The following CAB39L variants were observed in gnomAD, a reference collection of about 807,000 sequenced individuals.
CAB39L encodes the protein calcium-binding protein 39-like.
A neutral mutation model predicts 39.1 loss-of-function variants in CAB39L; 23 were observed. The observed-to-expected ratio is 0.59, with a 90% CI of 0.42 to 0.83. CAB39L has a LOEUF of 0.83. CAB39L is among the 40% of genes least tolerant of loss of function. CAB39L has a pLI of 0.00. For synonymous variants in CAB39L, 126 were observed against 137.2 expected, an observed-to-expected ratio of 0.92 and a Z score of 0.57; for missense variants, 366 against 391.9, an observed-to-expected ratio of 0.93 and a Z score of 0.56.
In CAB39L at chr13:49,336,217, G is replaced by C. The variant is rs1052125583; in HGVS notation, c.690+3460C>G. Among the ~76,000 whole-genome samples, 4 of 148,016 alleles carry C rather than the reference G, an allele frequency of 2.7e-5. No individual in the cohort carries two copies. The East Asian group carries it at 8.1e-4, about 30-fold the overall frequency. ...CAGTCGTCTACCTTTTTGTTTGCTT[G>C]AACAGAGTGATGCAAAACCATTTTG... On this transcript the variant is annotated intron_variant, in intron 9 of 10. Coordinates refer to ENST00000409308, the MANE Select transcript of CAB39L (RefSeq NM_001079670.3).
At chr13:49,323,320 T>C (rs1954406372) in intron 10 of CAB39L, among the ~76,000 whole-genome samples, 1 of 152,260 alleles carries the variant, frequency 6.6e-6, no homozygotes, top group African/African-American at 2.4e-5. Context: ...TGGACTTTTC[T>C]GCTCTTTGTG....
chr13:49,399,813 G>A (rs1293920308), intron 3 of CAB39L, among the ~76,000 whole-genome samples: 1 of 151,984 alleles, frequency 6.6e-6, no homozygotes, highest in Non-Finnish European at 1.5e-5. Flanking sequence ...AGTCTAAGAA[G>A]GACTGAGCAT....
chr13:49,416,973 C>G (rs1012262627), intron 3 of CAB39L, among the ~76,000 whole-genome samples: 1 of 152,122 alleles, frequency 6.6e-6, no homozygotes, highest in African/African-American at 2.4e-5. Flanking sequence ...CTACATAGAA[C>G]CAAGCAAATG....
At chr13:49,424,833 G>T (rs1200354014) in intron 3 of CAB39L, among the ~76,000 whole-genome samples, 1 of 152,118 alleles carries the variant, frequency 6.6e-6, no homozygotes, top group South Asian at 2.1e-4. Context: ...AGTATATGGA[G>T]ATTTGCTCCT....
intron 4 of CAB39L, among the ~76,000 whole-genome samples, chr13:49,378,750 C>A (rs1594022873): frequency 2.2e-5 from 1 of 45,372 alleles, no homozygotes; most frequent in East Asian, 4.4e-4. Flanking sequence ...GCCGCCCCGT[C>A]CGGGAGGGAG....
At chr13:49,340,069 T>C (rs897877807) in intron 8 of CAB39L, among the ~76,000 whole-genome samples, 2 of 152,242 alleles carry the variant, frequency 1.3e-5, no homozygotes, top group African/African-American at 2.4e-5. Context: ...GCCTTGCTGG[T>C]GGCTATGGGT....
rs780451894 is a variant in CAB39L, at chr13:49,316,903, G to A, written c.835-5910C>T. ...GACGCTTAGGGATATAGAGGAGAACGCCATGTGAAGATGGAAACAGAGATG... is the reference window on the plus strand; with the variant it reads ...GACGCTTAGGGATATAGAGGAGAACACCATGTGAAGATGGAAACAGAGATG... On this transcript the variant is annotated intron_variant, in intron 10 of 10. Transcript: ENST00000409308. Among the ~76,000 whole-genome samples the A allele has an allele frequency of 3.3e-5, 5 of 152,162 alleles. No homozygotes were observed. In the East Asian group the frequency reaches 7.7e-4, roughly 23 times the overall value.
At chr13:49,408,794 G>A (rs561291079) in intron 3 of CAB39L, among the ~76,000 whole-genome samples, 6 of 152,042 alleles carry the variant, frequency 3.9e-5, no homozygotes, top group Non-Finnish European at 7.4e-5. Flanking sequence ...TTGCACCACC[G>A]CACTCCAGCC....
At chr13:49,361,771 C>T (rs1350275246) in intron 5 of CAB39L, among the ~76,000 whole-genome samples, 2 of 151,974 alleles carry the variant, frequency 1.3e-5, no homozygotes, top group African/African-American at 2.4e-5. Context: ...CTCTGTCATT[C>T]TTTAAGATTC....
rs1459502867 is a variant in CAB39L at position 49,344,196 on chromosome 13, C to G, written c.607G>C (p.Glu203Gln). ...CTACTTACAGTGTCGTAATTTTGTT[C>G]TAAGAAGTCTGCTACCAACACTTTA... ...RHKVLVADFL[E>Q]QNYDTIFEDY... Residue 203 changes from glutamate (E) to glutamine (Q), a missense_variant, in exon 8 of 11, where the codon GAA becomes CAA. By Grantham distance (29) the Glu-to-Gln change is conservative. Coordinates refer to ENST00000409308, the MANE Select transcript of CAB39L (RefSeq NM_001079670.3). 6.3e-7 allele frequency: 1 copy of G among 1,599,014 alleles called. No individual in the cohort carries two copies. The highest frequency in any genetic ancestry group is 8.6e-7 in the Non-Finnish European group (1 of 1,167,190).
chr13:49,372,241 T>C (rs1269484677), intron 5 of CAB39L, among the ~76,000 whole-genome samples: 1 of 152,206 alleles, frequency 6.6e-6, no homozygotes, highest in African/African-American at 2.4e-5. Context: ...TTGAACCTCA[T>C]AATAGTGTGC....
chr13:49,425,948 G>T (rs1957238371), intron 3 of CAB39L, among the ~76,000 whole-genome samples: 1 of 152,146 alleles, frequency 6.6e-6, no homozygotes, highest in African/African-American at 2.4e-5. Flanking sequence ...CCTACTTGTA[G>T]AAGTTTGGGG....
intron 10 of CAB39L, among the ~76,000 whole-genome samples, chr13:49,311,933 A>G (rs6561517): frequency 1 from 152,008 of 152,340 alleles, 75,838 homozygotes; most frequent in Middle Eastern, 1. Flanking sequence ...TCGCTCTGTC[A>G]CCCAGGCTGA....
intron 3 of CAB39L, among the ~76,000 whole-genome samples, chr13:49,387,023 A>G (rs1399837791): frequency 1.3e-5 from 2 of 152,200 alleles, no homozygotes; most frequent in Non-Finnish European, 1.5e-5. Flanking sequence ...CAAACCTTCT[A>G]CACAAACACA....
At chr13:49,332,821 G>T (rs1954748836) in intron 9 of CAB39L, among the ~76,000 whole-genome samples, 1 of 151,566 alleles carries the variant, frequency 6.6e-6, no homozygotes. Context: ...ATAGCCCCCT[G>T]GCTGCTGTAG....
At chr13:49,326,586 C>T (rs934792919) in intron 10 of CAB39L, among the ~76,000 whole-genome samples, 5 of 152,162 alleles carry the variant, frequency 3.3e-5, no homozygotes, top group Non-Finnish European at 5.9e-5. Context: ...ATTAATTAAA[C>T]GATGTGAAAA....
intron 10 of CAB39L, among the ~76,000 whole-genome samples, chr13:49,327,616 T>G (rs1954544144): frequency 2.0e-5 from 3 of 152,152 alleles, no homozygotes; most frequent in Non-Finnish European, 4.4e-5. Context: ...CATGCATGTT[T>G]TTGGACTCTA....
At chr13:49,367,828 G>T (rs1955810151) in intron 5 of CAB39L, among the ~76,000 whole-genome samples, 1 of 151,976 alleles carries the variant, frequency 6.6e-6, no homozygotes, top group Non-Finnish European at 1.5e-5. Flanking sequence ...TTATGTGGGA[G>T]GATCACTTGA....
intron 3 of CAB39L, among the ~76,000 whole-genome samples, chr13:49,405,950 T>C (rs1475981030): frequency 1.3e-5 from 2 of 151,772 alleles, no homozygotes; most frequent in Non-Finnish European, 2.9e-5. Flanking sequence ...TTTGTGGGAG[T>C]TAAAAATTTA....
Sources: allele counts gnomAD v4.1 joint callset (sites outside exome capture counted in the v4.1 genomes callset), GRCh38; gene constraint gnomAD v4.1.1; transcripts MANE v1.5; gene names NCBI Gene and HGNC (gene_info 2026-07-23, HGNC 2026-07-21).